RSRC1: variants seen among roughly 807,000 people sequenced by gnomAD.
The protein encoded by RSRC1 is arginine and serine rich coiled-coil 1, also known as serine/Arginine-related protein 53.
A neutral mutation model predicts 49.1 loss-of-function variants in RSRC1; 39 were observed. The observed-to-expected ratio is 0.79, with a 90% confidence interval of 0.61 to 1.04. The LOEUF is 1.04. Ranked by LOEUF, RSRC1 falls within the 50% of genes least tolerant of loss-of-function variation. The probability of loss-of-function intolerance (pLI) is 0.00; values close to 1 mark genes in which losing one functional copy is unlikely to be tolerated. For missense variants in RSRC1, 388 were observed against 402.4 expected (o/e 0.96, Z 0.31); for synonymous variants, 143 against 130.8 (o/e 1.09, Z -0.63).
intron 4 of RSRC1, among the ~76,000 whole-genome samples, chr3:158,274,243 C>G (rs1448616465): frequency 6.6e-6 from 1 of 151,958 alleles, no homozygotes; most frequent in Non-Finnish European, 1.5e-5. Flanking sequence ...ATAACCTGTT[C>G]TATAAAAATT....
chr3:158,295,302 A>G (rs552981590), intron 4 of RSRC1, among the ~76,000 whole-genome samples: 1 of 152,228 alleles, frequency 6.6e-6, no homozygotes, highest in South Asian at 2.1e-4. Flanking sequence ...AAACCAGGTT[A>G]GTAGTTTGTT....
intron 6 of RSRC1, among the ~76,000 whole-genome samples, chr3:158,443,655 T>C (rs1736510224): frequency 6.6e-6 from 1 of 152,186 alleles, no homozygotes; most frequent in African/African-American, 2.4e-5. Context: ...CATTTATGTG[T>C]TCACTTGAGT....
intron 5 of RSRC1, among the ~76,000 whole-genome samples, chr3:158,310,276 C>T (rs1728056342): frequency 6.6e-6 from 1 of 151,518 alleles, no homozygotes; most frequent in Admixed American, 6.6e-5. Context: ...TAATCGTTGT[C>T]TTTGCTTTGC....
chr3:158,181,288 A>G (rs1719609104), intron 3 of RSRC1, among the ~76,000 whole-genome samples: 1 of 152,166 alleles, frequency 6.6e-6, no homozygotes, highest in African/African-American at 2.4e-5. Context: ...AATTAGGCAA[A>G]TGTGGCATGC....
At chr3:158,264,077 A>G (rs1356665456) in intron 4 of RSRC1, among the ~76,000 whole-genome samples, 2 of 151,998 alleles carry the variant, frequency 1.3e-5, no homozygotes, top group African/African-American at 4.8e-5. Flanking sequence ...TTTACTGCTT[A>G]CTTTGGGTTT....
intron 3 of RSRC1, among the ~76,000 whole-genome samples, chr3:158,136,228 C>T (rs757846331): frequency 9.9e-5 from 15 of 151,846 alleles, no homozygotes; most frequent in East Asian, 1.9e-4. Flanking sequence ...TAATTTGATT[C>T]GAAATTACAT....
At chr3:158,139,334 C>T (rs1355905583) in intron 3 of RSRC1, among the ~76,000 whole-genome samples, 2 of 151,694 alleles carry the variant, frequency 1.3e-5, no homozygotes, top group African/African-American at 2.4e-5. Flanking sequence ...TGAACCTGGG[C>T]GGTGGAGGTT....
chr3:158,233,093 G>A (rs778300129), intron 4 of RSRC1, among the ~76,000 whole-genome samples: 28 of 151,954 alleles, frequency 1.8e-4, no homozygotes, highest in African/African-American at 3.1e-4. Flanking sequence ...ATGTGATTGT[G>A]ACCTTAAAAA....
chr3:158,186,742 C>CT (rs942152950), intron 3 of RSRC1, among the ~76,000 whole-genome samples: 2 of 151,778 alleles, frequency 1.3e-5, no homozygotes, highest in African/African-American at 4.8e-5. Flanking sequence ...GGGTTATATG[C>CT]TTTTTTAGAG....
chr3:158,173,903 A>G (rs1409752341), intron 3 of RSRC1, among the ~76,000 whole-genome samples: 1 of 151,908 alleles, frequency 6.6e-6, no homozygotes, highest in African/African-American at 2.4e-5. Flanking sequence ...TCAGGAAAAA[A>G]CAGTCTATAA....
chr3:158,378,759 T>C (rs2108277175), intron 6 of RSRC1, among the ~76,000 whole-genome samples: 1 of 152,274 alleles, frequency 6.6e-6, no homozygotes, highest in South Asian at 2.1e-4. Flanking sequence ...TCCCTCTGGT[T>C]CTCAGGCCAA....
At chr3:158,359,847 A>G (rs928073758) in intron 6 of RSRC1, among the ~76,000 whole-genome samples, 1 of 152,178 alleles carries the variant, frequency 6.6e-6, no homozygotes, top group Non-Finnish European at 1.5e-5. Flanking sequence ...TACACAGACA[A>G]GTGGAGGGTG....
At chr3:158,326,370 C>T (rs1355473477) in intron 5 of RSRC1, among the ~76,000 whole-genome samples, 1 of 152,116 alleles carries the variant, frequency 6.6e-6, no homozygotes, top group South Asian at 2.1e-4. Flanking sequence ...GTGGGTTTGT[C>T]ATAAATAGCT....
chr3:158,207,315 C>A (rs1721395680), intron 4 of RSRC1, among the ~76,000 whole-genome samples: 1 of 152,184 alleles, frequency 6.6e-6, no homozygotes, highest in East Asian at 1.9e-4. Context: ...TTGATCCCTT[C>A]TTTTCTCCCT....
At chr3:158,250,615 C>A (rs1168778859) in intron 4 of RSRC1, among the ~76,000 whole-genome samples, 2 of 152,112 alleles carry the variant, frequency 1.3e-5, no homozygotes, top group Admixed American at 1.3e-4. Context: ...GTATGTCTTC[C>A]TTTGAGAAAC....
chr3:158,290,557 C>G (rs150671727), intron 4 of RSRC1, among the ~76,000 whole-genome samples: 6,415 of 152,224 alleles, frequency 0.042, 187 homozygotes, highest in Middle Eastern at 0.13. Context: ...TTACAGGCGT[C>G]AGCCACCACG....
rs548999140 is a variant in RSRC1, at chr3:158,385,460, G to A, written c.583+30552G>A. 1.1e-4 allele frequency among the ~76,000 whole-genome samples: 16 copies of A among 152,292 alleles called. No individual in the cohort carries two copies. In the South Asian group the frequency reaches 2.3e-3, roughly 22 times the overall value. ...AGGAATCAGAGAGAACTCATAAAAT[G>A]AGTGTAACTTTGGTAGCAGTGAAGT... On this transcript the variant is annotated intron_variant, in intron 6 of 9. Transcript: ENST00000611884.
At chr3:158,536,075 C>G (rs991483618) in intron 7 of RSRC1, among the ~76,000 whole-genome samples, 2 of 151,314 alleles carry the variant, frequency 1.3e-5, no homozygotes, top group African/African-American at 2.4e-5. Flanking sequence ...TCTAAGGGGT[C>G]AGACTGACTC....
In RSRC1 at chr3:158,239,156, A is replaced by G. The variant is rs143673694; in HGVS notation, c.494+35911A>G. 1.1e-3 allele frequency among the ~76,000 whole-genome samples: 168 copies of G among 152,370 alleles called. 1 individual carries two copies. Among genetic ancestry groups the G allele is most frequent in the African/African-American group, 3.9e-3 (164 of 41,594 alleles). On this transcript the variant is annotated intron_variant, in intron 4 of 9. Transcript: ENST00000611884. The stretch of plus-strand genomic sequence containing the variant: ...CAGAGAAATGCAAATCAAAACCGCA[A>G]TGAGATACCATCTTACCCCAGTTAG...
Sources: allele counts gnomAD v4.1 joint callset (sites outside exome capture counted in the v4.1 genomes callset), GRCh38; gene constraint gnomAD v4.1.1; transcripts MANE v1.5; gene names NCBI Gene and HGNC (gene_info 2026-07-23, HGNC 2026-07-21).